Variants in ATP6V1H observed in about 807,000 individuals in gnomAD.
ATP6V1H encodes ATPase H+ transporting V1 subunit H, also known as V-type proton ATPase subunit H.
A neutral mutation model predicts 71.7 loss-of-function variants in ATP6V1H; 39 were observed. That is an observed-to-expected ratio of 0.54 (90% CI 0.42 to 0.71). The LOEUF (loss-of-function observed/expected upper bound fraction) is 0.71. ATP6V1H is among the 30% of genes least tolerant of loss of function. ATP6V1H has a pLI of 0.00. For missense variants in ATP6V1H, 509 were observed against 594.9 expected (o/e 0.86, Z 1.50); for synonymous variants, 192 against 199.3 (o/e 0.96, Z 0.31).
chr8:53,832,478 C>G (rs1394570841), intron 3 of ATP6V1H: 4 of 151,830 alleles, frequency 2.6e-5, no homozygotes, highest in Non-Finnish European at 5.9e-5. Context: ...ATATGGCAAA[C>G]AGTAATAAAT....
chr8:53,801,954 G>C, intron 7 of ATP6V1H, 58 bp from the exon 8 acceptor site: 1 of 1,447,406 alleles, frequency 6.9e-7, no homozygotes, highest in South Asian at 1.2e-5. Flanking sequence ...CATGCGATCA[G>C]ACACACATTT....
At chr8:53,832,678 T>A (rs1811045634) in intron 3 of ATP6V1H, 2 of 193,338 alleles carry the variant, frequency 1.0e-5, no homozygotes, top group Non-Finnish European at 2.1e-5. Flanking sequence ...TTCAATTATA[T>A]TAGGTATTTC....
At chr8:53,776,448 C>G (rs759602050) in intron 9 of ATP6V1H, among the ~76,000 whole-genome samples, 4 of 152,198 alleles carry the variant, frequency 2.6e-5, no homozygotes, top group Non-Finnish European at 4.4e-5. Context: ...ACTGCCAGCA[C>G]GCTGTCACCT....
At chr8:53,801,919 T>G in intron 7 of ATP6V1H, 23 bp from the exon 8 acceptor site, 1 of 1,602,456 alleles carries the variant, frequency 6.2e-7, no homozygotes, top group Non-Finnish European at 8.5e-7. Flanking sequence ...AAGTGTTGAG[T>G]TTTTAAATGG....
chr8:53,824,005 A>G (rs1458113579), intron 4 of ATP6V1H, among the ~76,000 whole-genome samples: 1 of 152,034 alleles, frequency 6.6e-6, no homozygotes, highest in Non-Finnish European at 1.5e-5. Context: ...AAGAAAAAAA[A>G]AAAGCAGAAA....
In ATP6V1H at chr8:53,722,036, T is replaced by C. The variant is rs561389539; in HGVS notation, c.1392-6012A>G. 2.0e-5 allele frequency among the ~76,000 whole-genome samples: 3 copies of C among 152,320 alleles called. No individual in the cohort carries two copies. In the East Asian group the frequency reaches 5.8e-4, roughly 29 times the overall value. On this transcript the variant is annotated intron_variant, in intron 13 of 13. Coordinates refer to ENST00000359530, the MANE Select transcript of ATP6V1H (RefSeq NM_015941.4). ...TTAAAGAGTGTATTCTAAAAGCAAT[T>C]TATGTAAAATTTGCAATAACAAAGT...
intron 13 of ATP6V1H, among the ~76,000 whole-genome samples, chr8:53,738,822 G>C (rs1260254065): frequency 2.6e-5 from 4 of 152,168 alleles, no homozygotes; most frequent in Non-Finnish European, 5.9e-5. Flanking sequence ...TACAGTCTTA[G>C]GAAACATTTC....
intron 8 of ATP6V1H, among the ~76,000 whole-genome samples, chr8:53,796,142 C>T (rs986078413): frequency 6.6e-6 from 1 of 152,012 alleles, no homozygotes; most frequent in African/African-American, 2.4e-5. Context: ...ATCGGACAGA[C>T]AATAGAGCCA....
chr8:53,717,682 G>T, intron 13 of ATP6V1H, among the ~76,000 whole-genome samples: 1 of 151,946 alleles, frequency 6.6e-6, no homozygotes, highest in Non-Finnish European at 1.5e-5. Context: ...GCTCCTCTGG[G>T]AATGCCTGCA....
At chr8:53,825,201 T>A (rs1288293499) in intron 4 of ATP6V1H, among the ~76,000 whole-genome samples, 1 of 152,108 alleles carries the variant, frequency 6.6e-6, no homozygotes, top group East Asian at 1.9e-4. Context: ...CTTATAAATT[T>A]ATTATTAGTT....
chr8:53,775,464 G>C (rs1808841860), intron 9 of ATP6V1H, among the ~76,000 whole-genome samples: 1 of 152,178 alleles, frequency 6.6e-6, no homozygotes, highest in Non-Finnish European at 1.5e-5. Flanking sequence ...GTTTTGACAG[G>C]GCGCTGATTG....
chr8:53,734,905 G>C (rs1410680726), intron 13 of ATP6V1H, among the ~76,000 whole-genome samples: 2 of 152,196 alleles, frequency 1.3e-5, no homozygotes, highest in Non-Finnish European at 2.9e-5. Flanking sequence ...CCAGTTACTG[G>C]ATAAAAGGAT....
At chr8:53,809,468 A>T (rs1260652541) in intron 7 of ATP6V1H, among the ~76,000 whole-genome samples, 1 of 152,204 alleles carries the variant, frequency 6.6e-6, no homozygotes. Context: ...CACTAAAGGG[A>T]AGAAGGTAGG....
At chr8:53,838,773 T>C (rs1172633056) in intron 2 of ATP6V1H, among the ~76,000 whole-genome samples, 1 of 152,190 alleles carries the variant, frequency 6.6e-6, no homozygotes, top group Non-Finnish European at 1.5e-5. Flanking sequence ...AAATACTGTA[T>C]TTTCATAACA....
At chr8:53,725,576 A>G (rs1806784392) in intron 13 of ATP6V1H, among the ~76,000 whole-genome samples, 1 of 148,542 alleles carries the variant, frequency 6.7e-6, no homozygotes, top group Non-Finnish European at 1.5e-5. Flanking sequence ...ATTCCCTTAC[A>G]CAAAGATGAG....
At chr8:53,820,844 T>C (rs1241307146) in intron 4 of ATP6V1H, among the ~76,000 whole-genome samples, 2 of 151,140 alleles carry the variant, frequency 1.3e-5, no homozygotes, top group African/African-American at 2.4e-5. Context: ...TAGCCAGGCG[T>C]GGTAGCACAC....
At chr8:53,841,557 T>G in intron 2 of ATP6V1H, 21 bp downstream of exon 2, 1 of 1,613,080 alleles carries the variant, frequency 6.2e-7, no homozygotes, top group Admixed American at 1.7e-5. Context: ...TGTCCATGAT[T>G]CACAGCAAAT....
chr8:53,746,449 G>C (rs989629356), intron 12 of ATP6V1H, among the ~76,000 whole-genome samples: 1 of 151,954 alleles, frequency 6.6e-6, no homozygotes, highest in African/African-American at 2.4e-5. Context: ...ATTTTTAGTA[G>C]AGACGGGGTT....
In ATP6V1H at chr8:53,756,621, G is replaced by A. The variant is rs1466097337; in HGVS notation, c.1211C>T (p.Pro404Leu). The change falls in exon 12 of 14, where the codon CCC (proline) becomes CTC (leucine). Residue 404 changes from proline (P) to leucine (L), a missense_variant. Physicochemically the swap from Pro to Leu is moderately conservative, Grantham distance 98. This residue lies in a region of ATP6V1H where 212 missense variants were observed against 291.6 expected (regional missense o/e 0.73). Transcript: ENST00000359530. Reference protein sequence around the residue: ...LTKLLEVSDDPQVLAVAAHDV... With the variant: ...LTKLLEVSDDLQVLAVAAHDV... ...GTGAGCAGCAACAGCTAAGACTTGG[G>A]GATCATCTGACACTTCCAAAAGTTT... 1.2e-6 allele frequency: 2 copies of A among 1,613,772 alleles called. No homozygotes were observed. The highest frequency in any genetic ancestry group is 1.7e-6 in the Non-Finnish European group (2 of 1,179,870).
Sources: allele counts gnomAD v4.1 joint callset (sites outside exome capture counted in the v4.1 genomes callset), GRCh38; gene constraint gnomAD v4.1.1; regional missense constraint gnomAD v4.1.1; transcripts MANE v1.5; gene names NCBI Gene and HGNC (gene_info 2026-07-23, HGNC 2026-07-21).